CLIP2: variants seen among roughly 807,000 people sequenced by gnomAD.
The protein encoded by CLIP2 is CAP-Gly domain-containing linker protein 2.
CLIP2 carries 41 observed loss-of-function variants against 111.7 expected under a neutral mutation model. That is an observed-to-expected ratio of 0.37 (90% CI 0.29 to 0.48). The LOEUF is 0.48. CLIP2 is among the 20% of genes least tolerant of loss of function. The pLI is 0.99. For missense variants in CLIP2, 1,160 were observed against 1,422.1 expected (o/e 0.82, Z 2.96); for synonymous variants, 660 against 644.2 (o/e 1.02, Z -0.37).
At chr7:74,377,767 G>A (rs1790833642) in intron 10 of CLIP2, among the ~76,000 whole-genome samples, 1 of 152,044 alleles carries the variant, frequency 6.6e-6, no homozygotes, top group African/African-American at 2.4e-5. Context: ...GCTAGCAACG[G>A]ACTCTTGCCT....
chr7:74,394,399 C>T (rs112534677), intron 13 of CLIP2, among the ~76,000 whole-genome samples: 2 of 151,872 alleles, frequency 1.3e-5, no homozygotes, highest in African/African-American at 4.8e-5. Context: ...TACAGGCATG[C>T]GCCACCATGC....
Position 74,350,155 on chromosome 7 carries a change from G to A in CLIP2, c.679-3725G>A, listed in dbSNP as rs184307446. 9.9e-5 allele frequency among the ~76,000 whole-genome samples: 15 copies of A among 152,168 alleles called. No individual in the cohort carries two copies. In the East Asian group the frequency reaches 2.9e-3, roughly 29 times the overall value. The stretch of plus-strand genomic sequence containing the variant: ...TGCAACCTCCGCCTCCTGGGTTCAA[G>A]CGATTCTCATCTCAGCCTCCTGAGT... On this transcript the variant is annotated intron_variant, in intron 3 of 16. Coordinates refer to ENST00000223398, the MANE Select transcript of CLIP2 (RefSeq NM_003388.5).
At chr7:74,358,057 T>G (rs1790200204) in intron 6 of CLIP2, among the ~76,000 whole-genome samples, 1 of 144,538 alleles carries the variant, frequency 6.9e-6, no homozygotes, top group Non-Finnish European at 1.5e-5. Context: ...AAGGGTTTTT[T>G]TTTTTTTTTT....
intron 9 of CLIP2, among the ~76,000 whole-genome samples, chr7:74,375,534 CAG>C (rs1318738888): frequency 5.9e-4 from 62 of 105,228 alleles, no homozygotes; most frequent in Admixed American, 3.4e-3. Flanking sequence ...GCCTGCGTGA[CAG>C]AGCGAGACTC....
chr7:74,320,621 G>A (rs375396722), intron 2 of CLIP2, among the ~76,000 whole-genome samples: 2 of 152,130 alleles, frequency 1.3e-5, no homozygotes, highest in African/African-American at 2.4e-5. Flanking sequence ...TGCAGAGAAC[G>A]GATTGTAGGG....
At chr7:74,298,592 G>A (rs1788237976) in intron 1 of CLIP2, among the ~76,000 whole-genome samples, 1 of 135,018 alleles carries the variant, frequency 7.4e-6, no homozygotes. Context: ...CAGTGGCGTG[G>A]CGTGATCTCG....
chr7:74,386,514 C>T lies in CLIP2; in HGVS notation c.2480-7C>T, dbSNP rs375613702. 1.2e-6 allele frequency: 2 copies of T among 1,611,314 alleles called. No individual in the cohort carries two copies. Among genetic ancestry groups the T allele is most frequent in the Non-Finnish European group, 1.7e-6 (2 of 1,178,460 alleles). On this transcript the variant is annotated splice_region_variant and splice_polypyrimidine_tract_variant and intron_variant, in intron 11 of 16. Transcript: ENST00000223398. ...TTGATGCTTCTCGTCTCTCCTCTCT[C>T]CCCTAGGCCTGCAGGACAAGCTGAA...
intron 14 of CLIP2, among the ~76,000 whole-genome samples, chr7:74,398,458 G>A (rs1217308888): frequency 6.6e-6 from 1 of 152,214 alleles, no homozygotes; most frequent in Non-Finnish European, 1.5e-5. Flanking sequence ...GATATGGAGG[G>A]CGTGGGGTCC....
At chr7:74,310,514 CCT>C (rs1788614140) in intron 1 of CLIP2, among the ~76,000 whole-genome samples, 1 of 151,952 alleles carries the variant, frequency 6.6e-6, no homozygotes, top group African/African-American at 2.4e-5. Context: ...AGAGTGAGAC[CCT>C]GTCTCAAAAA....
At chr7:74,352,500 A>G (rs1417229841) in intron 3 of CLIP2, among the ~76,000 whole-genome samples, 1 of 151,700 alleles carries the variant, frequency 6.6e-6, no homozygotes, top group African/African-American at 2.4e-5. Context: ...TATTTATAGG[A>G]AAAAAAAATT....
rs182385973 is a variant in CLIP2 at position 74,322,761 on chromosome 7, T to C, written c.121+5094T>C. Among the ~76,000 whole-genome samples, 406 of 152,258 alleles carry C rather than the reference T, an allele frequency of 2.7e-3. 2 individuals are homozygous for C. The highest frequency in any genetic ancestry group is 9.4e-3 in the African/African-American group (389 of 41,552). ...TTGTTTGTTTTTTTGAGATGGAGTC[T>C]CGCTCTGTCACCAGGCTCAAGTGCA... On this transcript the variant is annotated intron_variant, in intron 2 of 16. Coordinates refer to ENST00000223398, the MANE Select transcript of CLIP2 (RefSeq NM_003388.5).
In CLIP2 at chr7:74,299,137, G is replaced by A. The variant is rs112757989; in HGVS notation, c.-68+9403G>A. Among the ~76,000 whole-genome samples, 109 of 152,130 alleles carry A rather than the reference G, an allele frequency of 7.2e-4. No homozygotes were observed. The Middle Eastern group carries it at 0.014, about 19-fold the overall frequency. Reference sequence around the variant, plus strand: ...ACTTGAGCCCAGGAGTTGGAGACCAGCCTGGGCACCTTGGCAAAACCCTGT... The same window carrying A: ...ACTTGAGCCCAGGAGTTGGAGACCAACCTGGGCACCTTGGCAAAACCCTGT... On this transcript the variant is annotated intron_variant, in intron 1 of 16. Transcript: ENST00000223398.
Position 74,404,861 on chromosome 7 carries a change from C to T in CLIP2, c.*1013C>T, listed in dbSNP as rs2240435. 0.66 allele frequency: 100,860 copies of T among 152,062 alleles called. 33,581 individuals carry two copies. Among genetic ancestry groups the T allele is most frequent in the East Asian group, 0.75 (3,875 of 5,162 alleles). The allele number at this position is 152,062 out of a possible 1,614,324, so 9.4% of individuals were successfully genotyped here. On this transcript the variant is annotated 3_prime_UTR_variant, in exon 17 of 17. Coordinates refer to ENST00000223398, the MANE Select transcript of CLIP2 (RefSeq NM_003388.5). ...GGGTGGCGGCGTTTGCTGTGAACCA[C>T]GCTCAGGCCACACAGAGACACATAC...
chr7:74,363,987 C>A (rs1790408153), intron 7 of CLIP2, among the ~76,000 whole-genome samples: 1 of 152,066 alleles, frequency 6.6e-6, no homozygotes, highest in Non-Finnish European at 1.5e-5. Context: ...CCCGGGCCAC[C>A]CTGCCCTTTA....
intron 1 of CLIP2, among the ~76,000 whole-genome samples, chr7:74,294,391 T>C (rs1020076496): frequency 6.6e-6 from 1 of 152,188 alleles, no homozygotes. Context: ...TGGTTTTTAT[T>C]AACGAGGCCT....
chr7:74,362,530 T>TTC (rs1319876109), intron 7 of CLIP2, among the ~76,000 whole-genome samples: 1 of 144,974 alleles, frequency 6.9e-6, no homozygotes, highest in African/African-American at 2.5e-5. Context: ...TTTCTTTTCT[T>TTC]TTTTTTTTTT....
At chr7:74,373,171 A>C (rs1790685202) in intron 9 of CLIP2, 135 bp downstream of exon 9, 7 of 606,716 alleles carry the variant, frequency 1.2e-5, no homozygotes, top group Admixed American at 6.1e-5. Flanking sequence ...TTATTTTTGC[A>C]TCCCCTTGGA....
chr7:74,311,624 C>G (rs1564031043), intron 1 of CLIP2, among the ~76,000 whole-genome samples: 1 of 152,138 alleles, frequency 6.6e-6, no homozygotes, highest in Non-Finnish European at 1.5e-5. Flanking sequence ...TGAATACCAG[C>G]CCTGGCTGGG....
intron 11 of CLIP2, chr7:74,381,721 G>T: frequency 2.3e-6 from 1 of 433,156 alleles, no homozygotes; most frequent in Non-Finnish European, 4.6e-6. Flanking sequence ...CTTGGAGAGG[G>T]TTCCTTATCA....
Sources: allele counts gnomAD v4.1 joint callset (sites outside exome capture counted in the v4.1 genomes callset), GRCh38; gene constraint gnomAD v4.1.1; transcripts MANE v1.5; gene names NCBI Gene and HGNC (gene_info 2026-07-23, HGNC 2026-07-21).